ADK: variants seen among roughly 807,000 people sequenced by gnomAD.
ADK encodes the protein adenosine kinase.
Under a neutral mutation model 44.7 loss-of-function variants are expected in ADK, and 24 were observed. The observed-to-expected ratio is 0.54, with a 90% confidence interval of 0.39 to 0.76. The LOEUF (loss-of-function observed/expected upper bound fraction) is 0.76. Ranked by LOEUF, ADK falls within the 30% of genes least tolerant of loss-of-function variation. The probability of loss-of-function intolerance (pLI) is 0.00; values close to 1 mark genes in which losing one functional copy is unlikely to be tolerated. For synonymous variants in ADK, 128 were observed against 142.6 expected, an observed-to-expected ratio of 0.90 and a Z score of 0.73; for missense variants, 321 against 425.1, an observed-to-expected ratio of 0.76 and a Z score of 2.15.
rs375648798 is a variant in ADK at position 74,290,608 on chromosome 10, GA to G, written c.195-24049del. Among the ~76,000 whole-genome samples, 207 of 146,286 alleles carry G rather than the reference GA, an allele frequency of 1.4e-3. No homozygotes were observed. The Middle Eastern group carries it at 0.017, about 12-fold the overall frequency. On this transcript the variant is annotated intron_variant, in intron 3 of 10. Coordinates refer to ENST00000539909, the MANE Select transcript of ADK (RefSeq NM_006721.4). Reference sequence around the variant, plus strand: ...GACAAGTGTTTTACCTAAAGAATGAGAAAAAAAAAACCCTAATTTTTTGTGA... The same window carrying G: ...GACAAGTGTTTTACCTAAAGAATGAGAAAAAAAAACCCTAATTTTTTGTGA...
At chr10:74,663,816 T>C (rs1168657730) in intron 9 of ADK, among the ~76,000 whole-genome samples, 1 of 152,206 alleles carries the variant, frequency 6.6e-6, no homozygotes, top group Non-Finnish European at 1.5e-5. Flanking sequence ...AAATCTCTAT[T>C]ATTAGCAGAG....
At position 74,394,161 on chromosome 10, in the gene ADK, C is replaced by A. The variant is rs1843430790; in HGVS notation, c.294C>A (p.His98Gln). Residue 98 changes from histidine (H) to glutamine (Q), a missense_variant, in exon 5 of 11, where the codon CAC becomes CAA. Physicochemically the swap from His to Gln is conservative, Grantham distance 24. Transcript: ENST00000539909. ...TACAGTGGATGATTCAACAGCCACA[C>A]AAAGCAGCAACATTTTTTGGATGCA... ...KVAQWMIQQP[H>Q]KAATFFGCIG... The A allele has an allele frequency of 1.9e-6, 3 of 1,613,814 alleles. No individual in the cohort carries two copies. The African/African-American group carries it at 4.0e-5, about 22-fold the overall frequency.
chr10:74,700,573 C>G (rs574650476), intron 10 of ADK, among the ~76,000 whole-genome samples: 2 of 148,772 alleles, frequency 1.3e-5, no homozygotes, highest in African/African-American at 5.0e-5. Flanking sequence ...GGAAAAAAAG[C>G]AAAGTGTAAG....
At chr10:74,598,589 T>C (rs1852011817) in intron 8 of ADK, among the ~76,000 whole-genome samples, 1 of 151,708 alleles carries the variant, frequency 6.6e-6, no homozygotes, top group South Asian at 2.1e-4. Flanking sequence ...TAGCTAGGAC[T>C]ACAGACACGT....
chr10:74,489,318 A>ACTAT (rs1847384080), intron 6 of ADK, among the ~76,000 whole-genome samples: 1 of 151,970 alleles, frequency 6.6e-6, no homozygotes, highest in Non-Finnish European at 1.5e-5. Context: ...TCAAAATAAT[A>ACTAT]CTATCTAGAG....
intron 7 of ADK, among the ~76,000 whole-genome samples, chr10:74,569,375 T>A (rs1350306761): frequency 6.6e-6 from 1 of 152,218 alleles, no homozygotes; most frequent in East Asian, 1.9e-4. Context: ...ATGGTTGAAC[T>A]AGTTTACAGT....
intron 6 of ADK, among the ~76,000 whole-genome samples, chr10:74,451,067 CTTTT>C (rs35120068): frequency 5.3e-4 from 38 of 72,180 alleles, no homozygotes; most frequent in Admixed American, 1.6e-3. Flanking sequence ...GCTCTGCTGC[CTTTT>C]TTTTTTTTTT....
chr10:74,679,712 A>G (rs189991387), intron 10 of ADK, among the ~76,000 whole-genome samples: 3 of 152,250 alleles, frequency 2.0e-5, no homozygotes, highest in East Asian at 1.9e-4. Flanking sequence ...CTGTAATCCC[A>G]GCACTTTGGG....
At chr10:74,171,704 A>G (rs1438326193) in intron 1 of ADK, among the ~76,000 whole-genome samples, 1 of 152,116 alleles carries the variant, frequency 6.6e-6, no homozygotes, top group East Asian at 1.9e-4. Flanking sequence ...GGCTTTTAGG[A>G]AAAAAATAGG....
At chr10:74,694,163 T>TTTTA in intron 10 of ADK, among the ~76,000 whole-genome samples, 1 of 146,200 alleles carries the variant, frequency 6.8e-6, no homozygotes, top group Non-Finnish European at 1.5e-5. Context: ...TTTTTTTTTT[T>TTTTA]TTTTTTTTAC....
At chr10:74,512,983 T>C (rs1848406653) in intron 6 of ADK, among the ~76,000 whole-genome samples, 1 of 152,094 alleles carries the variant, frequency 6.6e-6, no homozygotes, top group Non-Finnish European at 1.5e-5. Context: ...TGTCAAAGAA[T>C]TTTTAAATTT....
At chr10:74,458,041 A>G (rs997329473) in intron 6 of ADK, among the ~76,000 whole-genome samples, 1 of 152,042 alleles carries the variant, frequency 6.6e-6, no homozygotes, top group Non-Finnish European at 1.5e-5. Context: ...AAAATTTTAA[A>G]AAGAAAAAGA....
rs376118678 is a variant in ADK, at chr10:74,458,299, G to GTTTTT, written c.555+59735_555+59739dup. Among the ~76,000 whole-genome samples, 148 of 79,016 alleles carry GTTTTT rather than the reference G, an allele frequency of 1.9e-3. 1 individual carries two copies. Among genetic ancestry groups the GTTTTT allele is most frequent in the African/African-American group, 5.7e-3 (116 of 20,498 alleles). 51.8% of individuals were successfully genotyped at this position (79,016 alleles called of 152,430 possible). A position where few individuals can be genotyped will look rare whatever the true frequency, so the allele number is the denominator to read the frequency against. On this transcript the variant is annotated intron_variant, in intron 6 of 10. Coordinates refer to ENST00000539909, the MANE Select transcript of ADK (RefSeq NM_006721.4). ...GCGTGCACCACCACTCCCAGGTTTT[G>GTTTTT]TTTTTTTTTTTTTTTTTTTGCAGAG... is the stretch of plus-strand genomic sequence containing the variant.
At chr10:74,295,194 G>C (rs1246796801) in intron 3 of ADK, among the ~76,000 whole-genome samples, 1 of 151,088 alleles carries the variant, frequency 6.6e-6, no homozygotes, top group African/African-American at 2.4e-5. Flanking sequence ...GGATGTGGTG[G>C]CTCACACCCG....
chr10:74,167,205 C>T (rs758973388), intron 1 of ADK, among the ~76,000 whole-genome samples: 11 of 152,058 alleles, frequency 7.2e-5, no homozygotes, highest in Non-Finnish European at 1.3e-4. Flanking sequence ...TGAGGTCTCA[C>T]TATGTTGCCC....
At chr10:74,388,233 A>G (rs1452063550) in intron 4 of ADK, among the ~76,000 whole-genome samples, 1 of 148,204 alleles carries the variant, frequency 6.7e-6, no homozygotes, top group Non-Finnish European at 1.5e-5. Context: ...AATTCTTACA[A>G]CATCCTTAAA....
rs557404357 is a variant in ADK at position 74,562,638 on chromosome 10, A to T, written c.727-26644A>T. On this transcript the variant is annotated intron_variant, in intron 7 of 10. Transcript: ENST00000539909. ...GAACAGAGAAAATCAAGTCTTTACT[A>T]TGTTGCTGTATCACTAATTCAGGCT... Among the ~76,000 whole-genome samples the T allele has an allele frequency of 4.1e-4, 63 of 152,358 alleles. No individual in the cohort carries two copies. The Middle Eastern group carries it at 0.01, about 25-fold the overall frequency.
chr10:74,368,641 T>G (rs1842567055), intron 4 of ADK, among the ~76,000 whole-genome samples: 1 of 152,090 alleles, frequency 6.6e-6, no homozygotes, highest in Admixed American at 6.6e-5. Context: ...ATTCTTTTTT[T>G]TTTTTTGATA....
intron 10 of ADK, among the ~76,000 whole-genome samples, chr10:74,701,275 G>T (rs976167570): frequency 1.8e-4 from 28 of 152,134 alleles, no homozygotes; most frequent in African/African-American, 6.5e-4. Flanking sequence ...TCTAAAATAG[G>T]TCTCTGTACA....
Sources: allele counts gnomAD v4.1 joint callset (sites outside exome capture counted in the v4.1 genomes callset), GRCh38; gene constraint gnomAD v4.1.1; transcripts MANE v1.5; gene names NCBI Gene and HGNC (gene_info 2026-07-23, HGNC 2026-07-21).